The following SPTLC3 variants were observed in gnomAD, a reference collection of about 807,000 sequenced individuals.
SPTLC3 encodes serine palmitoyltransferase long chain base subunit 3, also known as serine palmitoyltransferase 3.
A neutral mutation model predicts 59.3 loss-of-function variants in SPTLC3; 36 were observed. That is an observed-to-expected ratio of 0.61 (90% CI 0.47 to 0.80). The LOEUF is 0.80. Ranked by LOEUF, SPTLC3 falls within the 30% of genes least tolerant of loss-of-function variation. SPTLC3 has a pLI of 0.00. For missense variants in SPTLC3, 625 were observed against 685.1 expected, an observed-to-expected ratio of 0.91 and a Z score of 0.98; for synonymous variants, 257 against 240.8, an observed-to-expected ratio of 1.07 and a Z score of -0.62.
chr20:13,151,766 A>C (rs1480355141), intron 9 of SPTLC3, among the ~76,000 whole-genome samples: 1 of 152,174 alleles, frequency 6.6e-6, no homozygotes, highest in East Asian at 1.9e-4. Context: ...CTAGTGAAAA[A>C]ATGTTAGATG....
intron 9 of SPTLC3, among the ~76,000 whole-genome samples, chr20:13,137,740 C>T (rs924685024): frequency 2.6e-5 from 4 of 152,166 alleles, no homozygotes; most frequent in African/African-American, 7.2e-5. Context: ...TCCTCACAAA[C>T]GAAGGGAATC....
chr20:13,074,166 C>G, intron 3 of SPTLC3, 183 bp from the exon 4 acceptor site: 3 of 831,662 alleles, frequency 3.6e-6, no homozygotes, highest in Non-Finnish European at 6.2e-6. Flanking sequence ...GGAAACCAAC[C>G]TCTAGGACAG....
intron 6 of SPTLC3, among the ~76,000 whole-genome samples, chr20:13,097,974 G>A (rs774164265): frequency 6.6e-6 from 1 of 152,162 alleles, no homozygotes; most frequent in Non-Finnish European, 1.5e-5. Flanking sequence ...GATAAGAATA[G>A]TGTATCAACA....
chr20:13,158,981 C>T (rs184718264), intron 10 of SPTLC3, among the ~76,000 whole-genome samples: 211 of 152,320 alleles, frequency 1.4e-3, no homozygotes, highest in Non-Finnish European at 2.7e-3. Context: ...AGATCTGAGG[C>T]ATTTACCTCA....
intron 2 of SPTLC3, among the ~76,000 whole-genome samples, chr20:13,071,181 C>T (rs1317204052): frequency 6.6e-6 from 1 of 152,200 alleles, no homozygotes; most frequent in Non-Finnish European, 1.5e-5. Context: ...CTAAGAAAAC[C>T]TTGCCATGAA....
chr20:13,114,076 G>T (rs1037666813), intron 7 of SPTLC3, among the ~76,000 whole-genome samples: 1 of 152,196 alleles, frequency 6.6e-6, no homozygotes, highest in South Asian at 2.1e-4. Flanking sequence ...TGGGACAAAG[G>T]CTCAATGTAA....
At chr20:13,026,730 T>G (rs975556251) in intron 1 of SPTLC3, among the ~76,000 whole-genome samples, 2 of 152,228 alleles carry the variant, frequency 1.3e-5, no homozygotes, top group Non-Finnish European at 2.9e-5. Flanking sequence ...TGGTGCCATG[T>G]CCACTTCTGC....
At chr20:13,069,284 T>C (rs535477592) in intron 2 of SPTLC3, among the ~76,000 whole-genome samples, 3 of 152,168 alleles carry the variant, frequency 2.0e-5, no homozygotes, top group Admixed American at 6.5e-5. Context: ...TGACCAGAGT[T>C]CAAGTCACGC....
chr20:13,069,170 T>G (rs1473843005), intron 2 of SPTLC3, among the ~76,000 whole-genome samples: 1 of 152,128 alleles, frequency 6.6e-6, no homozygotes, highest in African/African-American at 2.4e-5. Context: ...GTTTTCCATA[T>G]CACGGGCCAG....
At chr20:13,155,404 A>G (rs902726208) in intron 10 of SPTLC3, among the ~76,000 whole-genome samples, 21 of 152,214 alleles carry the variant, frequency 1.4e-4, no homozygotes, top group African/African-American at 4.1e-4. Flanking sequence ...AAAAGTACCA[A>G]TAAAAGAGGT....
chr20:13,096,255 C>G (rs1262547981), intron 6 of SPTLC3, among the ~76,000 whole-genome samples: 1 of 152,020 alleles, frequency 6.6e-6, no homozygotes, highest in Non-Finnish European at 1.5e-5. Context: ...TTTACTATGA[C>G]CCAGAAATTC....
At chr20:13,118,936 C>T (rs1990746522) in intron 8 of SPTLC3, among the ~76,000 whole-genome samples, 1 of 152,236 alleles carries the variant, frequency 6.6e-6, no homozygotes, top group Non-Finnish European at 1.5e-5. Context: ...CTTCAATAAG[C>T]ACTGCTTTCT....
chr20:13,021,641 G>T (rs1238782205), intron 1 of SPTLC3, among the ~76,000 whole-genome samples: 1 of 150,102 alleles, frequency 6.7e-6, no homozygotes. Flanking sequence ...AGCCAACTGG[G>T]TTCAGCTTAG....
At chr20:13,062,269 A>T (rs185626116) in intron 2 of SPTLC3, among the ~76,000 whole-genome samples, 4 of 152,334 alleles carry the variant, frequency 2.6e-5, no homozygotes, top group Non-Finnish European at 5.9e-5. Context: ...AGAAGGGGCG[A>T]AAGTTGTCCA....
At chr20:13,141,627 C>T (rs1286683534) in intron 9 of SPTLC3, among the ~76,000 whole-genome samples, 1 of 152,222 alleles carries the variant, frequency 6.6e-6, no homozygotes, top group African/African-American at 2.4e-5. Flanking sequence ...AGGCCCTTGG[C>T]ATTGTTGACA....
chr20:13,109,107 A>T (rs1181506549), intron 6 of SPTLC3, among the ~76,000 whole-genome samples: 1 of 152,234 alleles, frequency 6.6e-6, no homozygotes, highest in Non-Finnish European at 1.5e-5. Context: ...GTACATATAT[A>T]CCAAACAGCT....
Position 13,163,367 on chromosome 20 carries a change from C to CAAAAA in SPTLC3, c.1546-1368_1546-1364dup, listed in dbSNP as rs56217510. On this transcript the variant is annotated intron_variant, in intron 11 of 11. Coordinates refer to ENST00000399002, the MANE Select transcript of SPTLC3 (RefSeq NM_018327.4). ...TGGGCAACAGAGTGAGACGCTGTCT[C>CAAAAA]AAAAAAAAAAAAAAAAAAAAAAATA... 8.9e-5 allele frequency among the ~76,000 whole-genome samples: 8 copies of CAAAAA among 90,078 alleles called. No individual in the cohort carries two copies. The South Asian group carries it at 1.1e-3, about 12-fold the overall frequency. 59.1% of individuals were successfully genotyped at this position (90,078 alleles called of 152,430 possible). A position where few individuals can be genotyped will look rare whatever the true frequency, so the allele number is the denominator to read the frequency against.
At chr20:13,082,677 T>C (rs1988880670) in intron 4 of SPTLC3, among the ~76,000 whole-genome samples, 1 of 152,212 alleles carries the variant, frequency 6.6e-6, no homozygotes, top group Non-Finnish European at 1.5e-5. Flanking sequence ...TTTGCTGATC[T>C]AGACAAGTAC....
At chr20:13,144,894 C>T (rs567229333) in intron 9 of SPTLC3, among the ~76,000 whole-genome samples, 4 of 152,286 alleles carry the variant, frequency 2.6e-5, no homozygotes, top group African/African-American at 9.6e-5. Context: ...CCTGCCTCAG[C>T]CTCCCAAGTA....
Sources: allele counts gnomAD v4.1 joint callset (sites outside exome capture counted in the v4.1 genomes callset), GRCh38; gene constraint gnomAD v4.1.1; transcripts MANE v1.5; gene names NCBI Gene and HGNC (gene_info 2026-07-23, HGNC 2026-07-21).